Variants in ATF6 observed in about 807,000 individuals in gnomAD.
ATF6 encodes cyclic AMP-dependent transcription factor ATF-6 alpha.
ATF6 carries 53 observed loss-of-function variants against 83.6 expected under a neutral mutation model. That is an observed-to-expected ratio of 0.63 (90% CI 0.51 to 0.80). ATF6 has a LOEUF of 0.80. ATF6 is among the 30% of genes least tolerant of loss of function. ATF6 has a pLI of 0.00. For missense variants in ATF6, 744 were observed against 797.9 expected (o/e 0.93, Z 0.81); for synonymous variants, 288 against 285.8 (o/e 1.01, Z -0.08).
chr1:161,882,451 T>G (rs1159174584), intron 14 of ATF6, among the ~76,000 whole-genome samples: 2 of 152,046 alleles, frequency 1.3e-5, no homozygotes, highest in Middle Eastern at 6.3e-3. Flanking sequence ...TATTAGTAGT[T>G]TGTTTTCCTT....
chr1:161,797,464 A>G (rs1165369831), intron 6 of ATF6, among the ~76,000 whole-genome samples: 1 of 152,222 alleles, frequency 6.6e-6, no homozygotes, highest in Non-Finnish European at 1.5e-5. Flanking sequence ...AAACAACTTC[A>G]GCAAAGTTTT....
At chr1:161,826,614 T>TA (rs895780059) in intron 9 of ATF6, among the ~76,000 whole-genome samples, 11 of 152,126 alleles carry the variant, frequency 7.2e-5, no homozygotes, top group East Asian at 5.8e-4. Context: ...CTATTCAAGT[T>TA]AAAAAAACAT....
intron 15 of ATF6, among the ~76,000 whole-genome samples, chr1:161,924,355 T>C (rs568804776): frequency 1.2e-4 from 19 of 152,244 alleles, no homozygotes; most frequent in Non-Finnish European, 2.5e-4. Flanking sequence ...GAAATACTCC[T>C]TCTCTTGAGC....
rs548929762 is a variant in ATF6 at position 161,889,943 on chromosome 1, T to C, written c.1720-22353T>C. ...ACATAATTTCAAACTTACAGAAAAG[T>C]CACATGAATACTGAACTCCCATACA... is the stretch of plus-strand genomic sequence containing the variant. On this transcript the variant is annotated intron_variant, in intron 14 of 15. Coordinates refer to ENST00000367942, the MANE Select transcript of ATF6 (RefSeq NM_007348.4). Among the ~76,000 whole-genome samples, 4 of 152,340 alleles carry C rather than the reference T, an allele frequency of 2.6e-5. No individual in the cohort carries two copies. In the South Asian group the frequency reaches 8.3e-4, roughly 32 times the overall value.
chr1:161,871,346 G>A (rs545580043), intron 14 of ATF6, among the ~76,000 whole-genome samples: 7 of 151,582 alleles, frequency 4.6e-5, no homozygotes, highest in Non-Finnish European at 8.9e-5. Context: ...GCAGGAATTA[G>A]GGTGGGAGGT....
In ATF6 at chr1:161,960,488, A is replaced by G. The variant is rs1363677539; in HGVS notation, c.*1834A>G. 2 of 152,266 alleles carry G rather than the reference A, an allele frequency of 1.3e-5. No individual in the cohort carries two copies. Among genetic ancestry groups the G allele is most frequent in the African/African-American group, 4.8e-5 (2 of 41,464 alleles). The allele number at this position is 152,266 out of a possible 1,614,324, so 9.4% of individuals were successfully genotyped here. On this transcript the variant is annotated 3_prime_UTR_variant, in exon 16 of 16. Transcript: ENST00000367942. ...TCCTAAATAATTTTAAAGAACCATC[A>G]GCACTTCTAACTCTCTGGACAGGTG...
At chr1:161,825,368 G>A (rs1309998374) in intron 9 of ATF6, among the ~76,000 whole-genome samples, 2 of 152,136 alleles carry the variant, frequency 1.3e-5, no homozygotes, top group Non-Finnish European at 2.9e-5. Flanking sequence ...GACACTACCT[G>A]GAGCTAGCAC....
chr1:161,855,993 A>G (rs916397808), intron 12 of ATF6, among the ~76,000 whole-genome samples: 2 of 152,218 alleles, frequency 1.3e-5, no homozygotes, highest in African/African-American at 4.8e-5. Context: ...AGAGAAATGG[A>G]GTAGCTACAG....
chr1:161,781,551 C>A (rs1684635637), intron 2 of ATF6, among the ~76,000 whole-genome samples: 1 of 152,106 alleles, frequency 6.6e-6, no homozygotes, highest in Non-Finnish European at 1.5e-5. Flanking sequence ...TTTACTTTGT[C>A]TTGTTTTTCT....
chr1:161,873,960 C>T (rs902658658), intron 14 of ATF6, among the ~76,000 whole-genome samples: 4 of 151,552 alleles, frequency 2.6e-5, no homozygotes, highest in East Asian at 3.9e-4. Flanking sequence ...ATATAGTCAC[C>T]GTAATGTGAT....
intron 15 of ATF6, among the ~76,000 whole-genome samples, chr1:161,957,868 G>C (rs1688998881): frequency 6.6e-6 from 1 of 152,160 alleles, no homozygotes; most frequent in Admixed American, 6.5e-5. Context: ...TCTATAACTT[G>C]TCAGTTTTCA....
At chr1:161,941,081 A>C (rs1253981186) in intron 15 of ATF6, among the ~76,000 whole-genome samples, 1 of 152,200 alleles carries the variant, frequency 6.6e-6, no homozygotes, top group African/African-American at 2.4e-5. Flanking sequence ...ATATTTATGT[A>C]ATTGAATCAT....
At chr1:161,913,026 A>T (rs1365443392) in intron 15 of ATF6, among the ~76,000 whole-genome samples, 1 of 152,206 alleles carries the variant, frequency 6.6e-6, no homozygotes, top group Non-Finnish European at 1.5e-5. Flanking sequence ...AAATCTAGTG[A>T]AAAGAGATTA....
rs193092218 is a variant in ATF6 at position 161,789,768 on chromosome 1, A to G, written c.355-1640A>G. On this transcript the variant is annotated intron_variant, in intron 4 of 15. Coordinates refer to ENST00000367942, the MANE Select transcript of ATF6 (RefSeq NM_007348.4). ...GTTTTCTAGGATTTTATTGAGGAAT[A>G]CTTGTCGAATATTATCAAATACCTT... is the stretch of plus-strand genomic sequence containing the variant. Among the ~76,000 whole-genome samples, 3 of 152,338 alleles carry G rather than the reference A, an allele frequency of 2.0e-5. No individual in the cohort carries two copies. The East Asian group carries it at 5.8e-4, about 29-fold the overall frequency.
chr1:161,961,825 C>T lies in ATF6; in HGVS notation c.*3171C>T, dbSNP rs573732320. On this transcript the variant is annotated 3_prime_UTR_variant, in exon 16 of 16. Coordinates refer to ENST00000367942, the MANE Select transcript of ATF6 (RefSeq NM_007348.4). ...AGTCTTTCTGCCTGGTTGCAAGTCC[C>T]AAATTTTTAAGGGTTAATGGAAGTA... The T allele has an allele frequency of 3.3e-5, 5 of 152,176 alleles. No individual in the cohort carries two copies. The highest frequency in any genetic ancestry group is 9.6e-5 in the African/African-American group (4 of 41,502). The allele number at this position is 152,176 out of a possible 1,614,324, so 9.4% of individuals were successfully genotyped here. A position where few individuals can be genotyped will look rare whatever the true frequency, so the allele number is the denominator to read the frequency against.
At position 161,950,472 on chromosome 1, in the gene ATF6, T is replaced by C. The variant is rs558115635; in HGVS notation, c.1805-7974T>C. The stretch of plus-strand genomic sequence containing the variant: ...TTCAGGGTAGTTATTTCATGGTTAC[T>C]GGATGTTATAGGGACGTGCTTCTGA... On this transcript the variant is annotated intron_variant, in intron 15 of 15. Coordinates refer to ENST00000367942, the MANE Select transcript of ATF6 (RefSeq NM_007348.4). Among the ~76,000 whole-genome samples the C allele has an allele frequency of 8.7e-4, 132 of 152,252 alleles. 2 individuals are homozygous for C. Among genetic ancestry groups the C allele is most frequent in the Admixed American group, 2.8e-3 (43 of 15,282 alleles).
At chr1:161,810,715 A>G (rs906913109) in intron 7 of ATF6, among the ~76,000 whole-genome samples, 1 of 151,812 alleles carries the variant, frequency 6.6e-6, no homozygotes, top group Non-Finnish European at 1.5e-5. Flanking sequence ...ATTCCAGAAT[A>G]TTTTTGTCAC....
At chr1:161,829,812 A>G (rs561353384) in intron 9 of ATF6, among the ~76,000 whole-genome samples, 4 of 152,288 alleles carry the variant, frequency 2.6e-5, no homozygotes, top group Non-Finnish European at 4.4e-5. Context: ...TCTCAAAATA[A>G]AAGAGCTATT....
chr1:161,796,471 A>T (rs982697747), intron 6 of ATF6, among the ~76,000 whole-genome samples: 1 of 152,154 alleles, frequency 6.6e-6, no homozygotes, highest in Non-Finnish European at 1.5e-5. Context: ...GATGTGGGTG[A>T]TGGGGGTAGT....
Sources: allele counts gnomAD v4.1 joint callset (sites outside exome capture counted in the v4.1 genomes callset), GRCh38; gene constraint gnomAD v4.1.1; transcripts MANE v1.5; gene names NCBI Gene and HGNC (gene_info 2026-07-23, HGNC 2026-07-21).